The following NOX4 variants were observed in gnomAD, a reference collection of about 807,000 sequenced individuals.
The protein encoded by NOX4 is NADPH oxidase 4, also known as kidney oxidase-1.
Under a neutral mutation model 87.6 loss-of-function variants are expected in NOX4, and 69 were observed. The observed-to-expected ratio is 0.79, with a 90% CI of 0.65 to 0.96. The LOEUF (loss-of-function observed/expected upper bound fraction) is 0.96, where lower values mean the gene tolerates loss of function less well. Ranked by LOEUF, NOX4 falls within the 40% of genes least tolerant of loss-of-function variation. The pLI is 0.00. For missense variants in NOX4, 680 were observed against 681.5 expected, an observed-to-expected ratio of 1.00 and a Z score of 0.02; for synonymous variants, 275 against 238.2, an observed-to-expected ratio of 1.15 and a Z score of -1.42.
intron 11 of NOX4, among the ~76,000 whole-genome samples, chr11:89,387,664 T>C (rs146217909): frequency 1.1e-4 from 17 of 152,312 alleles, no homozygotes; most frequent in African/African-American, 3.8e-4. Context: ...ATTTCCATAA[T>C]TGAGAATCCA....
chr11:89,506,257 AAGAAAG>A, the NOX4 span, among the ~76,000 whole-genome samples: 134 of 149,438 alleles, frequency 9.0e-4, 1 homozygote, highest in African/African-American at 3.3e-3. Context: ...GAAAGAAAAA[AAGAAAG>A]AGAAAGAAAG....
chr11:89,491,432 G>A (rs1591381413), upstream of NOX4: 1 of 552,512 alleles, frequency 1.8e-6, no homozygotes, highest in Non-Finnish European at 3.1e-6. Context: ...ACCCAGAGCC[G>A]GGTTTTCCGG....
rs778071456 is a variant in NOX4, at chr11:89,335,905, A to G, written c.1556T>C (p.Leu519Pro). ...GEKYHALNSR[L>P]FIGRPRWKLL... Reference sequence around the variant, plus strand: ...TTTCCACCGAGGACGTCCTATAAACAGTCTTGAATTCAGTGCATGATATTT... The same window carrying G: ...TTTCCACCGAGGACGTCCTATAAACGGTCTTGAATTCAGTGCATGATATTT... The change falls in exon 17 of 18, where the codon CTG becomes CCG. Residue 519 changes from leucine to proline, a missense_variant. By Grantham distance (98) the Leu-to-Pro change is moderately conservative (BLOSUM62 -3). Coordinates refer to ENST00000263317, the MANE Select transcript of NOX4 (RefSeq NM_016931.5). The G allele has an allele frequency of 6.2e-7, 1 of 1,601,140 alleles. No homozygotes were observed.
chr11:89,554,786 A>G, the NOX4 span, among the ~76,000 whole-genome samples: 4 of 152,162 alleles, frequency 2.6e-5, no homozygotes, highest in East Asian at 7.7e-4. Flanking sequence ...TTAAAAACCA[A>G]TCTGATGTAT....
chr11:89,472,073 T>C (rs1488812319), intron 2 of NOX4, among the ~76,000 whole-genome samples: 1 of 152,164 alleles, frequency 6.6e-6, no homozygotes, highest in Non-Finnish European at 1.5e-5. Context: ...TAAGGTTATT[T>C]TGATAAGGTT....
chr11:89,429,754 C>T (rs1353784125), intron 7 of NOX4, among the ~76,000 whole-genome samples: 2 of 152,128 alleles, frequency 1.3e-5, no homozygotes, highest in African/African-American at 4.8e-5. Context: ...GATGGATTCA[C>T]AGCCGAATTC....
intron 5 of NOX4, among the ~76,000 whole-genome samples, chr11:89,442,538 T>C (rs1944503045): frequency 6.6e-6 from 1 of 152,074 alleles, no homozygotes; most frequent in Non-Finnish European, 1.5e-5. Flanking sequence ...ATGAGATAGA[T>C]TAAGATATGT....
intron 3 of NOX4, among the ~76,000 whole-genome samples, chr11:89,450,174 T>C (rs560553242): frequency 1.3e-5 from 2 of 152,238 alleles, no homozygotes; most frequent in South Asian, 4.1e-4. Context: ...GCCAAACCAA[T>C]AGCCAACCAC....
the NOX4 span, among the ~76,000 whole-genome samples, chr11:89,556,343 C>T: frequency 1.0e-3 from 154 of 151,878 alleles, no homozygotes; most frequent in African/African-American, 2.8e-3. Flanking sequence ...GCCAACATGG[C>T]GAAACCTCAT....
chr11:89,336,978 C>T (rs1945740588), intron 16 of NOX4, among the ~76,000 whole-genome samples: 1 of 152,030 alleles, frequency 6.6e-6, no homozygotes, highest in Admixed American at 6.6e-5. Flanking sequence ...ATAACATTTA[C>T]TGCTTGACTC....
At chr11:89,465,540 C>T (rs1265412328) in intron 2 of NOX4, among the ~76,000 whole-genome samples, 2 of 152,114 alleles carry the variant, frequency 1.3e-5, no homozygotes, top group Non-Finnish European at 2.9e-5. Flanking sequence ...ATTCTAGATC[C>T]TTGAGGAATT....
intron 2 of NOX4, among the ~76,000 whole-genome samples, chr11:89,456,595 T>G (rs1277673644): frequency 6.6e-6 from 1 of 152,126 alleles, no homozygotes; most frequent in East Asian, 1.9e-4. Flanking sequence ...TGCTGAGCAC[T>G]GGGGCTCGCT....
At chr11:89,517,068 T>C in the NOX4 span, among the ~76,000 whole-genome samples, 1 of 152,050 alleles carries the variant, frequency 6.6e-6, no homozygotes. Context: ...CAATGCGTAA[T>C]TGAAATATGC....
intron 6 of NOX4, 67 bp downstream of exon 6, chr11:89,440,619 CCA>C (rs1944413987): frequency 1.8e-6 from 2 of 1,106,900 alleles, no homozygotes. Context: ...GCCACTGCGC[CCA>C]GTCCGATAAT....
At chr11:89,505,370 T>G in the NOX4 span, among the ~76,000 whole-genome samples, 1 of 151,922 alleles carries the variant, frequency 6.6e-6, no homozygotes, top group Admixed American at 6.6e-5. Flanking sequence ...TAACATATAA[T>G]TAGAAACAGT....
intron 12 of NOX4, among the ~76,000 whole-genome samples, chr11:89,370,812 T>A (rs1248497947): frequency 6.6e-6 from 1 of 152,022 alleles, no homozygotes; most frequent in Non-Finnish European, 1.5e-5. Context: ...ACTTGGTGCT[T>A]CTTTGTCTTG....
At position 89,481,754 on chromosome 11, in the gene NOX4, A is replaced by G. The variant is rs114563425; in HGVS notation, c.153+8704T>C. On this transcript the variant is annotated intron_variant, in intron 2 of 17. Coordinates refer to ENST00000263317, the MANE Select transcript of NOX4 (RefSeq NM_016931.5). The stretch of plus-strand genomic sequence containing the variant: ...CAGCTTTGCACTGAGTCCATAAAGA[A>G]AGCATTTAACTATATGAAATTCATC... 6.0e-3 allele frequency among the ~76,000 whole-genome samples: 913 copies of G among 152,226 alleles called. 8 individuals are homozygous for G. Among genetic ancestry groups the G allele is most frequent in the African/African-American group, 0.021 (869 of 41,526 alleles).
intron 2 of NOX4, among the ~76,000 whole-genome samples, chr11:89,478,222 C>T (rs73537311): frequency 0.22 from 33,035 of 151,886 alleles, 4,963 homozygotes; most frequent in African/African-American, 0.43. Context: ...ATCTTATAAG[C>T]GATATATTAG....
At chr11:89,544,819 C>T in the NOX4 span, among the ~76,000 whole-genome samples, 1 of 151,974 alleles carries the variant, frequency 6.6e-6, no homozygotes, top group African/African-American at 2.4e-5. Context: ...TTCAAAGCCA[C>T]ATTGCCCTTA....
Sources: gnomAD v4.1 joint callset for allele counts (sites outside exome capture counted in the v4.1 genomes callset) on GRCh38, gnomAD v4.1.1 for gene constraint, MANE v1.5 for transcripts, NCBI Gene and HGNC (gene_info 2026-07-23, HGNC 2026-07-21) for gene names.